Variants in CAST observed in about 807,000 individuals in gnomAD.
CAST encodes the protein calpastatin.
A neutral mutation model predicts 119.6 loss-of-function variants in CAST; 76 were observed. That is an observed-to-expected ratio of 0.64 (90% CI 0.53 to 0.77). The LOEUF is 0.77. Ranked by LOEUF, CAST falls within the 30% of genes least tolerant of loss-of-function variation. CAST has a pLI of 0.00. For missense variants in CAST, 953 were observed against 946.5 expected, an observed-to-expected ratio of 1.01 and a Z score of -0.09; for synonymous variants, 319 against 331.6, an observed-to-expected ratio of 0.96 and a Z score of 0.41.
the CAST span, among the ~76,000 whole-genome samples, chr5:96,472,634 T>A: frequency 6.6e-6 from 1 of 152,172 alleles, no homozygotes; most frequent in Non-Finnish European, 1.5e-5. Flanking sequence ...AGGCAGCCAA[T>A]TGTTTCCTCA....
At chr5:96,695,393 C>T (rs1002158005) in intron 2 of CAST, among the ~76,000 whole-genome samples, 1 of 152,114 alleles carries the variant, frequency 6.6e-6, no homozygotes, top group Non-Finnish European at 1.5e-5. Context: ...GGTTATAGTA[C>T]TGTGATCAGT....
the CAST span, among the ~76,000 whole-genome samples, chr5:96,422,294 G>T: frequency 6.6e-6 from 1 of 152,178 alleles, no homozygotes; most frequent in South Asian, 2.1e-4. Flanking sequence ...GAGGCCCAGA[G>T]AAGTTAAATG....
chr5:96,170,177 G>T, the CAST span, among the ~76,000 whole-genome samples: 1 of 152,192 alleles, frequency 6.6e-6, no homozygotes, highest in African/African-American at 2.4e-5. Flanking sequence ...AGTAAATCTG[G>T]GAAGGAGTCA....
the CAST span, among the ~76,000 whole-genome samples, chr5:96,185,772 T>G: frequency 6.6e-6 from 1 of 152,200 alleles, no homozygotes; most frequent in Admixed American, 6.5e-5. Flanking sequence ...TAGTTTGAAG[T>G]TGGGTAGCAT....
At position 96,723,116 on chromosome 5, in the gene CAST, T is replaced by TTTTG. The variant is rs1554086264; in HGVS notation, c.270+442_270+445dup. Among the ~76,000 whole-genome samples the TTTTG allele has an allele frequency of 3.4e-3, 514 of 152,006 alleles. 2 individuals are homozygous for TTTTG. The highest frequency in any genetic ancestry group is 0.031 in the South Asian group (150 of 4,798). On this transcript the variant is annotated intron_variant, in intron 4 of 31. Transcript: ENST00000675179. ...CACCACCATGCCCGGCTAATTGTTT[T>TTTTG]TTTGTTTGTTTGTTTGTTTGTTTGT...
At chr5:96,250,592 C>A in the CAST span, among the ~76,000 whole-genome samples, 1 of 152,096 alleles carries the variant, frequency 6.6e-6, no homozygotes, top group South Asian at 2.1e-4. Context: ...ATGCTCAATC[C>A]TAATGTAAGG....
intron 1 of CAST, among the ~76,000 whole-genome samples, chr5:96,559,466 C>T (rs1470932316): frequency 6.6e-6 from 1 of 152,180 alleles, no homozygotes; most frequent in Admixed American, 6.5e-5. Flanking sequence ...ACCCCATCGT[C>T]TCAGCCCAAA....
the CAST span, among the ~76,000 whole-genome samples, chr5:96,247,483 G>A: frequency 6.6e-6 from 1 of 152,278 alleles, no homozygotes. Flanking sequence ...CAAACTTGGA[G>A]TGAGCTTTTG....
rs540025904 is a variant in CAST, at chr5:96,532,085, A to G, written c.60+2205A>G. ...CTAGGCAACAAAGCAAGACCTCCCC[A>G]TCTCAAAATAACGAAGTTAGACATG... On this transcript the variant is annotated intron_variant, in intron 1 of 11. Coordinates refer to the CAST transcript ENST00000505143. 3.9e-4 allele frequency among the ~76,000 whole-genome samples: 60 copies of G among 152,264 alleles called. 1 individual carries two copies. The highest frequency in any genetic ancestry group is 1.3e-3 in the African/African-American group (55 of 41,536).
the CAST span, among the ~76,000 whole-genome samples, chr5:96,352,981 C>T: frequency 4.6e-5 from 7 of 152,156 alleles, no homozygotes; most frequent in African/African-American, 1.4e-4. Context: ...AATTAAACCT[C>T]TTTTCCTTAT....
chr5:96,254,755 A>G, the CAST span, among the ~76,000 whole-genome samples: 1 of 152,116 alleles, frequency 6.6e-6, no homozygotes, highest in African/African-American at 2.4e-5. Context: ...ACAGGAGAAG[A>G]GTTTCTGATA....
At chr5:96,129,832 A>T in the CAST span, among the ~76,000 whole-genome samples, 4 of 146,322 alleles carry the variant, frequency 2.7e-5, no homozygotes, top group Admixed American at 1.4e-4. Flanking sequence ...TTCAAATACT[A>T]TGAAGCTATT....
the CAST span, among the ~76,000 whole-genome samples, chr5:96,341,399 A>G: frequency 7.8e-6 from 1 of 128,528 alleles, no homozygotes; most frequent in East Asian, 2.5e-4. Context: ...AAATCAGTGT[A>G]TAACTCACTA....
At chr5:96,187,070 A>G in the CAST span, among the ~76,000 whole-genome samples, 2 of 152,072 alleles carry the variant, frequency 1.3e-5, no homozygotes, top group African/African-American at 4.8e-5. Context: ...TTCCTGTTTC[A>G]GTCTTGGGAG....
chr5:96,361,166 T>C, the CAST span, among the ~76,000 whole-genome samples: 7 of 152,118 alleles, frequency 4.6e-5, no homozygotes, highest in South Asian at 1.4e-3. Flanking sequence ...TCAGTAATGG[T>C]GGATGCCCCT....
chr5:96,128,605 G>A, the CAST span, among the ~76,000 whole-genome samples: 5 of 152,064 alleles, frequency 3.3e-5, no homozygotes, highest in African/African-American at 7.2e-5. Context: ...GCTGAGGTTC[G>A]CATGAGAGAA....
chr5:95,990,991 C>A, the CAST span, among the ~76,000 whole-genome samples: 2 of 152,130 alleles, frequency 1.3e-5, no homozygotes, highest in Admixed American at 1.3e-4. Context: ...TTAGTGTTTT[C>A]TCCACAGGAG....
the CAST span, among the ~76,000 whole-genome samples, chr5:96,368,106 A>T: frequency 1.3e-5 from 2 of 151,928 alleles, no homozygotes; most frequent in African/African-American, 4.8e-5. Flanking sequence ...GTATCCTTTA[A>T]TTACTTTTCT....
chr5:96,010,177 C>T, the CAST span, among the ~76,000 whole-genome samples: 193 of 152,220 alleles, frequency 1.3e-3, 1 homozygote, highest in African/African-American at 4.3e-3. Flanking sequence ...ATAAGCACCA[C>T]GCTTTTTTGG....
Sources: allele counts gnomAD v4.1 joint callset (sites outside exome capture counted in the v4.1 genomes callset), GRCh38; gene constraint gnomAD v4.1.1; transcripts MANE v1.5; gene names NCBI Gene and HGNC (gene_info 2026-07-23, HGNC 2026-07-21).